Variants in GFOD1 observed in about 807,000 individuals in gnomAD.
GFOD1 encodes Gfo/Idh/MocA-like oxidoreductase domain containing 1.
A neutral mutation model predicts 25.4 loss-of-function variants in GFOD1; 9 were observed. That is an observed-to-expected ratio of 0.35 (90% CI 0.21 to 0.62). The LOEUF is 0.62. Among genes scored for constraint, GFOD1 ranks in the 20% least tolerant of loss-of-function variants. The pLI is 0.72. For synonymous variants in GFOD1, 253 were observed against 245.6 expected, an observed-to-expected ratio of 1.03 and a Z score of -0.28; for missense variants, 403 against 556.9, an observed-to-expected ratio of 0.72 and a Z score of 2.78.
intron 1 of GFOD1, among the ~76,000 whole-genome samples, chr6:13,414,819 T>C (rs556613420): frequency 6.6e-6 from 1 of 152,350 alleles, no homozygotes; most frequent in African/African-American, 2.4e-5. Context: ...GTAATTTTCA[T>C]GTTAAATTAG....
intron 1 of GFOD1, among the ~76,000 whole-genome samples, chr6:13,459,929 T>C (rs1477042481): frequency 1.3e-5 from 2 of 151,032 alleles, no homozygotes; most frequent in Non-Finnish European, 3.0e-5. Flanking sequence ...AAGTCAGGAG[T>C]TCAAGATCAG....
chr6:13,463,860 T>A (rs1360742486), intron 1 of GFOD1, among the ~76,000 whole-genome samples: 1 of 152,156 alleles, frequency 6.6e-6, no homozygotes, highest in African/African-American at 2.4e-5. Context: ...AATATATATC[T>A]ATCCAGCAGG....
In GFOD1 at chr6:13,487,004, G is replaced by T; in HGVS notation, c.-114C>A. 7.6e-7 allele frequency: 1 copy of T among 1,322,444 alleles called. No individual in the cohort carries two copies. Among genetic ancestry groups the T allele is most frequent in the Non-Finnish European group, 1.0e-6 (1 of 982,712 alleles). The allele number at this position is 1,322,444 out of a possible 1,614,324, so 81.9% of individuals were successfully genotyped here. ...CTCCTGTAGCCAATCTAGCCGCGGT[G>T]CGCCAGCCGCCGTGCACCGGGCAAG... On this transcript the variant is annotated 5_prime_UTR_variant, in exon 1 of 2. Transcript: ENST00000379287. This position sits in a 1 kb window ranked among gnomAD's most constrained non-coding sequence, Gnocchi z 4.9.
intron 1 of GFOD1, among the ~76,000 whole-genome samples, chr6:13,415,152 C>G (rs1054434051): frequency 2.6e-5 from 4 of 152,334 alleles, no homozygotes; most frequent in Non-Finnish European, 2.9e-5. Flanking sequence ...CGTGCCCTGT[C>G]TGGGGAGGAC....
intron 1 of GFOD1, among the ~76,000 whole-genome samples, chr6:13,445,235 C>T (rs986452818): frequency 6.6e-6 from 1 of 152,230 alleles, no homozygotes; most frequent in Non-Finnish European, 1.5e-5. Flanking sequence ...TGTTCACCAA[C>T]TCCTGTCTTC....
intron 1 of GFOD1, among the ~76,000 whole-genome samples, chr6:13,445,602 G>A (rs1757989610): frequency 6.6e-6 from 1 of 152,244 alleles, no homozygotes; most frequent in Non-Finnish European, 1.5e-5. Flanking sequence ...TACAGCCAAA[G>A]AACCAGGAGG....
At chr6:13,393,966 G>C (rs1039301746) in intron 1 of GFOD1, among the ~76,000 whole-genome samples, 1 of 151,858 alleles carries the variant, frequency 6.6e-6, no homozygotes, top group Non-Finnish European at 1.5e-5. Context: ...TTTTAGTAGA[G>C]ACGGGTTTCA....
intron 1 of GFOD1, chr6:13,486,115 C>G: frequency 1.0e-6 from 1 of 987,060 alleles, no homozygotes; most frequent in Non-Finnish European, 1.2e-6. Context: ...GGCGCCACCG[C>G]TGCTGAAGGG....
intron 1 of GFOD1, among the ~76,000 whole-genome samples, chr6:13,405,802 A>G (rs1260055532): frequency 6.6e-6 from 1 of 152,114 alleles, no homozygotes; most frequent in Non-Finnish European, 1.5e-5. Context: ...CTTTCCCACT[A>G]TATGTGTATT....
At chr6:13,444,969 C>T (rs1757980818) in intron 1 of GFOD1, among the ~76,000 whole-genome samples, 1 of 152,178 alleles carries the variant, frequency 6.6e-6, no homozygotes, top group Admixed American at 6.5e-5. Flanking sequence ...CCAGCTCCAC[C>T]ATAAAAATCA....
chr6:13,419,949 G>C (rs1174125481), intron 1 of GFOD1, among the ~76,000 whole-genome samples: 1 of 152,154 alleles, frequency 6.6e-6, no homozygotes, highest in African/African-American at 2.4e-5. Flanking sequence ...GCCGGGCTTT[G>C]GGGCAATGTG....
At chr6:13,483,125 AAAT>A (rs1172718496) in intron 1 of GFOD1, among the ~76,000 whole-genome samples, 1 of 152,156 alleles carries the variant, frequency 6.6e-6, no homozygotes, top group Non-Finnish European at 1.5e-5. Context: ...CAAAATAACT[AAAT>A]AAAATTTAAA....
chr6:13,426,909 T>A (rs2127569397), intron 1 of GFOD1, among the ~76,000 whole-genome samples: 1 of 152,276 alleles, frequency 6.6e-6, no homozygotes, highest in East Asian at 1.9e-4. Flanking sequence ...GAGTCTCATC[T>A]CTTTCTCATA....
At chr6:13,420,023 G>T (rs1294691014) in intron 1 of GFOD1, among the ~76,000 whole-genome samples, 1 of 152,158 alleles carries the variant, frequency 6.6e-6, no homozygotes, top group Non-Finnish European at 1.5e-5. Context: ...TGAGCTCCAT[G>T]CAGGCAGGAC....
chr6:13,462,084 A>G (rs184946244), intron 1 of GFOD1, among the ~76,000 whole-genome samples: 28 of 152,314 alleles, frequency 1.8e-4, no homozygotes, highest in Admixed American at 8.5e-4. Flanking sequence ...TCCATGTGCA[A>G]GTGAAGAGTC....
At chr6:13,406,856 A>G (rs536607) in intron 1 of GFOD1, among the ~76,000 whole-genome samples, 148,578 of 152,270 alleles carry the variant, frequency 0.98, 72,601 homozygotes, top group East Asian at 1. Context: ...GTGATAGCAA[A>G]TATAAAGACC....
intron 1 of GFOD1, among the ~76,000 whole-genome samples, chr6:13,441,618 A>C (rs191759797): frequency 6.6e-5 from 10 of 152,348 alleles, no homozygotes; most frequent in Admixed American, 6.5e-4. Flanking sequence ...CTTTGCACTT[A>C]AAGTATATTG....
At chr6:13,470,122 T>C (rs1270448261) in intron 1 of GFOD1, 1 of 1,470,720 alleles carries the variant, frequency 6.8e-7, no homozygotes, top group Non-Finnish European at 9.2e-7. Flanking sequence ...ATACTGCAGT[T>C]GGAAAATCCT....
At chr6:13,427,540 A>C (rs1757663236) in intron 1 of GFOD1, among the ~76,000 whole-genome samples, 1 of 151,994 alleles carries the variant, frequency 6.6e-6, no homozygotes, top group Non-Finnish European at 1.5e-5. Context: ...AGTCCCGCCT[A>C]CTCAGCAGAC....
Sources: gnomAD v4.1 joint callset for allele counts (sites outside exome capture counted in the v4.1 genomes callset) on GRCh38, gnomAD v4.1.1 for gene constraint, Gnocchi (gnomAD v3.1) non-coding constraint, MANE v1.5 for transcripts, NCBI Gene and HGNC (gene_info 2026-07-23, HGNC 2026-07-21) for gene names.